The following NFIC variants were observed in gnomAD, a reference collection of about 807,000 sequenced individuals.
The protein encoded by NFIC is nuclear factor 1 C-type.
Under a neutral mutation model 54.4 loss-of-function variants are expected in NFIC, and 12 were observed. The ratio of observed to expected loss-of-function variants is 0.22; its 90% CI spans 0.14 to 0.36. NFIC has a LOEUF of 0.36. Among genes scored for constraint, NFIC ranks in the 10% least tolerant of loss-of-function variants. The pLI, the probability that NFIC is intolerant of heterozygous loss-of-function variation, is 1.00. For missense variants in NFIC, 575 were observed against 718.2 expected (o/e 0.80, Z 2.28); for synonymous variants, 322 against 319.2 (o/e 1.01, Z -0.09).
rs1434113234 is a variant in NFIC, at chr19:3,452,555, C to T, written c.1158C>T (p.Ser386=). 2 of 1,613,906 alleles carry T rather than the reference C, an allele frequency of 1.2e-6. No individual in the cohort carries two copies. Among genetic ancestry groups the T allele is most frequent in the East Asian group, 2.2e-5 (1 of 44,880 alleles). ...CGTCCATCCTACCCCAGACGGCCTC[C>T]ACCTACTTCCCCCACACGGCCATCC... ...PTTSILPQTA[S]TYFPHTAIRY... The change falls in exon 8 of 11, where the codon TCC becomes TCT. Residue 386 remains serine (S), a synonymous_variant. Coordinates refer to ENST00000443272, the MANE Select transcript of NFIC (RefSeq NM_001245002.2). This position sits in a 1 kb window ranked among gnomAD's most constrained non-coding sequence, Gnocchi z 5.3.
rs75694930 is a variant in NFIC, at chr19:3,369,990, C to A, written c.30+3324C>A. Among the ~76,000 whole-genome samples, 1 of 152,180 alleles carries A rather than the reference C, an allele frequency of 6.6e-6. No individual in the cohort carries two copies. Among genetic ancestry groups the A allele is most frequent in the Non-Finnish European group, 1.5e-5 (1 of 68,016 alleles). On this transcript the variant is annotated intron_variant, in intron 1 of 10. Coordinates refer to ENST00000443272, the MANE Select transcript of NFIC (RefSeq NM_001245002.2). This position sits in a 1 kb window ranked among gnomAD's most constrained non-coding sequence, Gnocchi z 4.3. ...GGAGAGGCTGTCCTCCCACCCCAGA[C>A]CCCCGACCTTTGTTGGATTTTCTAG...
chr19:3,378,726 T>A (rs1303501269), intron 1 of NFIC, among the ~76,000 whole-genome samples: 1 of 152,190 alleles, frequency 6.6e-6, no homozygotes, highest in African/African-American at 2.4e-5. Context: ...CCCTCGGATT[T>A]TCCATCTCCA....
chr19:3,433,530 T>G lies in NFIC; in HGVS notation c.647T>G (p.Phe216Cys). ...SKPITLDTTDFQESFVTSGVF... is the reference protein window; with the variant it reads ...SKPITLDTTDCQESFVTSGVF... ...CTTCCTGTTCCAGACACGACCGACT[T>G]CCAGGAGAGCTTTGTCACCTCCGGC... Residue 216 changes from phenylalanine (F) to cysteine (C), a missense_variant, in exon 4 of 11, where the codon TTC (phenylalanine) becomes TGC (cysteine). Around this residue, in one of 3 missense-constraint regions of NFIC, gnomAD observed 447 missense variants for 526.9 expected, o/e 0.85. Transcript: ENST00000443272. The G allele has an allele frequency of 1.9e-6, 3 of 1,613,902 alleles. No homozygotes were observed. The highest frequency in any genetic ancestry group is 2.5e-6 in the Non-Finnish European group (3 of 1,179,854).
At chr19:3,378,192 C>T (rs1027855103) in intron 1 of NFIC, among the ~76,000 whole-genome samples, 14 of 144,384 alleles carry the variant, frequency 9.7e-5, no homozygotes, top group African/African-American at 3.6e-4. Flanking sequence ...ACCTGGGAGG[C>T]GGAGGTTGCA....
intron 1 of NFIC, among the ~76,000 whole-genome samples, chr19:3,372,318 GC>G (rs759592298): frequency 8.8e-4 from 134 of 152,080 alleles, no homozygotes; most frequent in Non-Finnish European, 1.5e-3. Flanking sequence ...ACCGTGCCCG[GC>G]CTCTGTTAGT....
intron 10 of NFIC, among the ~76,000 whole-genome samples, chr19:3,462,521 T>G (rs1206221237): frequency 6.6e-6 from 1 of 152,182 alleles, no homozygotes; most frequent in East Asian, 1.9e-4. Flanking sequence ...GAACTCCAGT[T>G]TCACTGGGCA....
At chr19:3,425,857 C>A (rs779042305) in intron 3 of NFIC, among the ~76,000 whole-genome samples, 1 of 149,130 alleles carries the variant, frequency 6.7e-6, no homozygotes, top group African/African-American at 2.5e-5. Context: ...TAGGCTCAAG[C>A]GATCCTCCTG....
In NFIC at chr19:3,408,687, C is replaced by T. The variant is rs570422754; in HGVS notation, c.563-16419C>T. 1.6e-3 allele frequency among the ~76,000 whole-genome samples: 248 copies of T among 152,218 alleles called. 1 individual carries two copies. Among genetic ancestry groups the T allele is most frequent in the Non-Finnish European group, 2.9e-3 (195 of 68,016 alleles). On this transcript the variant is annotated intron_variant, in intron 2 of 10. Transcript: ENST00000443272. Reference sequence around the variant, plus strand: ...CGCCAACTCGGCTCACTACAACCTCCGCCTCCTGGGTTCAAGCAGTTCTCC... The same window carrying T: ...CGCCAACTCGGCTCACTACAACCTCTGCCTCCTGGGTTCAAGCAGTTCTCC...
At chr19:3,441,064 C>T (rs1332242689) in intron 6 of NFIC, among the ~76,000 whole-genome samples, 2 of 152,040 alleles carry the variant, frequency 1.3e-5, no homozygotes, top group African/African-American at 4.8e-5. Flanking sequence ...CCTGCCTCTG[C>T]TTCCCACAGT....
At chr19:3,408,603 C>A (rs2081695894) in intron 2 of NFIC, among the ~76,000 whole-genome samples, 1 of 152,122 alleles carries the variant, frequency 6.6e-6, no homozygotes, top group African/African-American at 2.4e-5. Context: ...CGCACCACCA[C>A]ACCCAGCTAA....
At chr19:3,422,653 C>T in intron 2 of NFIC, among the ~76,000 whole-genome samples, 1 of 151,416 alleles carries the variant, frequency 6.6e-6, no homozygotes, top group South Asian at 2.1e-4. Flanking sequence ...GGAGACGGAG[C>T]TTGCAGTGAG....
chr19:3,363,469 G>A (rs981479202), upstream of NFIC, among the ~76,000 whole-genome samples: 2 of 151,132 alleles, frequency 1.3e-5, no homozygotes, highest in South Asian at 4.2e-4. Context: ...ACGGGGTTTC[G>A]CCATGTTGGC....
intron 2 of NFIC, among the ~76,000 whole-genome samples, chr19:3,408,873 C>G (rs185164038): frequency 6.6e-6 from 1 of 151,986 alleles, no homozygotes; most frequent in Non-Finnish European, 1.5e-5. Context: ...CGTGAGCCAC[C>G]GCCCCTGGCT....
intron 6 of NFIC, among the ~76,000 whole-genome samples, chr19:3,435,671 G>A (rs1486051762): frequency 1.3e-5 from 2 of 151,806 alleles, no homozygotes; most frequent in South Asian, 2.1e-4. Flanking sequence ...TTTTTAACCA[G>A]GTTCCCATCT....
chr19:3,438,815 A>G (rs1026928935), intron 6 of NFIC, among the ~76,000 whole-genome samples: 1 of 152,040 alleles, frequency 6.6e-6, no homozygotes, highest in African/African-American at 2.4e-5. Context: ...CACAGAGATG[A>G]TCCAACCCAC....
At chr19:3,379,347 C>A (rs552521875) in intron 1 of NFIC, among the ~76,000 whole-genome samples, 1 of 150,630 alleles carries the variant, frequency 6.6e-6, no homozygotes, top group African/African-American at 2.4e-5. Context: ...CATGAACCAC[C>A]GCGCCCAGCC....
intron 2 of NFIC, among the ~76,000 whole-genome samples, chr19:3,416,299 C>CTG (rs1384265349): frequency 6.7e-6 from 1 of 148,674 alleles, no homozygotes; most frequent in Non-Finnish European, 1.5e-5. Flanking sequence ...AAAAATGTAC[C>CTG]TGTGCCATCA....
rs1481725889 is a variant in NFIC at position 3,366,671 on chromosome 19, G to C, written c.30+5G>C. On this transcript the variant is annotated splice_donor_5th_base_variant and intron_variant, in intron 1 of 10. Coordinates refer to ENST00000443272, the MANE Select transcript of NFIC (RefSeq NM_001245002.2). ...TCCCCGCTCTGCCTCACCCAGGTACGGTCCTCGCCCGGCCCCCCGCCGGCG... is the reference window on the plus strand; with the variant it reads ...TCCCCGCTCTGCCTCACCCAGGTACCGTCCTCGCCCGGCCCCCCGCCGGCG... The C allele has an allele frequency of 2.1e-6, 3 of 1,425,158 alleles. No individual in the cohort carries two copies. The highest frequency in any genetic ancestry group is 3.1e-5 in the South Asian group (2 of 64,540). The allele number at this position is 1,425,158 out of a possible 1,614,324, so 88.3% of individuals were successfully genotyped here.
At chr19:3,403,768 CG>C (rs2081594107) in intron 2 of NFIC, among the ~76,000 whole-genome samples, 1 of 152,174 alleles carries the variant, frequency 6.6e-6, no homozygotes, top group Non-Finnish European at 1.5e-5. Flanking sequence ...GTTGGAGACG[CG>C]CCCCAAGAAA....
Sources: allele counts gnomAD v4.1 joint callset (sites outside exome capture counted in the v4.1 genomes callset), GRCh38; gene constraint gnomAD v4.1.1; regional missense constraint gnomAD v4.1.1; non-coding constraint Gnocchi (gnomAD v3.1); transcripts MANE v1.5; gene names NCBI Gene and HGNC (gene_info 2026-07-23, HGNC 2026-07-21).